The following RGS12 variants were observed in gnomAD, a reference collection of about 807,000 sequenced individuals.
RGS12 encodes regulator of G-protein signaling 12.
A neutral mutation model predicts 120.1 loss-of-function variants in RGS12; 66 were observed. That is an observed-to-expected ratio of 0.55 (90% confidence interval 0.45 to 0.67). RGS12 has a LOEUF of 0.67. RGS12 is among the 30% of genes least tolerant of loss of function. The pLI, the probability that RGS12 is intolerant of heterozygous loss-of-function variation, is 0.00. For synonymous variants in RGS12, 827 were observed against 804.7 expected, an observed-to-expected ratio of 1.03 and a Z score of -0.47; for missense variants, 1,859 against 1,957.7, an observed-to-expected ratio of 0.95 and a Z score of 0.95.
In RGS12 at chr4:3,374,506, C is replaced by G. The variant is rs1453657936; in HGVS notation, c.1999-11910C>G. 6.6e-6 allele frequency among the ~76,000 whole-genome samples: 1 copy of G among 152,154 alleles called. No homozygotes were observed. The highest frequency in any genetic ancestry group is 2.4e-5 in the African/African-American group (1 of 41,428). ...ACAGGTCCACATCTTCTCACCGTCT[C>G]TCCTCGGACATCCAGGAGGCCCCTC... On this transcript the variant is annotated intron_variant, in intron 3 of 17. Coordinates refer to ENST00000336727, the MANE Select transcript of RGS12 (RefSeq NM_001394154.1). This position sits in a 1 kb window ranked among gnomAD's most constrained non-coding sequence, Gnocchi z 6.3.
In RGS12 at chr4:3,317,681, C is replaced by T. The variant is rs766535266; in HGVS notation, c.1511C>T (p.Pro504Leu). The T allele has an allele frequency of 6.2e-7, 1 of 1,609,742 alleles. No homozygotes were observed. Among genetic ancestry groups the T allele is most frequent in the South Asian group, 1.1e-5 (1 of 90,912 alleles). Residue 504 changes from proline to leucine, a missense_variant, in exon 2 of 18, where the codon CCA becomes CTA. Physicochemically the swap from Pro to Leu is moderately conservative, Grantham distance 98. Transcript: ENST00000336727. ...TGGGACCTAAACAAGCACCTAGGGC[C>T]AGCCTCTCCTGTGGAGGTGCCCCCA... ...RFWDLNKHLG[P>L]ASPVEVPPAS...
At position 3,414,961 on chromosome 4, in the gene RGS12, G is replaced by A; in HGVS notation, c.2283+117G>A. The A allele has an allele frequency of 4.1e-6, 3 of 723,942 alleles. No homozygotes were observed. In the East Asian group the frequency reaches 7.8e-5, roughly 19 times the overall value. 44.8% of individuals were successfully genotyped at this position (723,942 alleles called of 1,614,324 possible). The stretch of plus-strand genomic sequence containing the variant: ...GGGCATGTGAGGGGTGTGTGTGAGG[G>A]GCGTGAGAGGGGCGTGTGAGAGGTT... On this transcript the variant is annotated intron_variant, in intron 6 of 17. Transcript: ENST00000336727.
chr4:3,317,096 G>A lies in RGS12; in HGVS notation c.926G>A (p.Arg309Gln), dbSNP rs779402258. The change falls in exon 2 of 18, where the codon CGG (arginine) becomes CAG (glutamine). Residue 309 changes from arginine to glutamine, a missense_variant. Arg to Gln is a conservative substitution (Grantham distance 43). This residue lies in a region of RGS12 where 967 missense variants were observed against 994.2 expected (regional missense o/e 0.97). Coordinates refer to ENST00000336727, the MANE Select transcript of RGS12 (RefSeq NM_001394154.1). ...LAFSAVCPDD[R>Q]RFFGLVTMQT... ...TTCAGCGCCGTGTGCCCGGACGACCGGCGATTTTTCGGGTTGGTTACCATG... is the reference window on the plus strand; with the variant it reads ...TTCAGCGCCGTGTGCCCGGACGACCAGCGATTTTTCGGGTTGGTTACCATG... 7 of 1,613,654 alleles carry A rather than the reference G, an allele frequency of 4.3e-6. No individual in the cohort carries two copies. Among genetic ancestry groups the A allele is most frequent in the South Asian group, 1.1e-5 (1 of 91,086 alleles).
upstream of RGS12, among the ~76,000 whole-genome samples, chr4:3,292,271 G>GGCA (rs374711846): frequency 8.6e-5 from 13 of 150,392 alleles, no homozygotes; most frequent in African/African-American, 3.0e-4. Context: ...CAGAGGCGCA[G>GGCA]GCCGGGGCCG....
chr4:3,420,783 C>A (rs1169804284), intron 10 of RGS12, 65 bp downstream of exon 10: 2 of 1,302,854 alleles, frequency 1.5e-6, no homozygotes, highest in Admixed American at 1.9e-5. Context: ...ACTGATGACA[C>A]CTCTCTCCCA....
intron 3 of RGS12, chr4:3,378,454 A>G (rs1053087777): frequency 3.9e-5 from 6 of 152,266 alleles, no homozygotes; most frequent in Non-Finnish European, 8.8e-5. Flanking sequence ...CAACAAAGGA[A>G]ACAACCAACA....
At chr4:3,312,142 C>T (rs1007337955) in intron 1 of RGS12, among the ~76,000 whole-genome samples, 14 of 152,070 alleles carry the variant, frequency 9.2e-5, no homozygotes, top group Admixed American at 5.2e-4. Context: ...TACTGGTAGC[C>T]CCGATGGTGT....
intron 4 of RGS12, among the ~76,000 whole-genome samples, chr4:3,403,698 A>T (rs1296477063): frequency 6.6e-6 from 1 of 152,184 alleles, no homozygotes; most frequent in African/African-American, 2.4e-5. Context: ...GTGCTGCTTA[A>T]AGCAGAGGGG....
At chr4:3,421,793 G>A (rs1443217164) in intron 10 of RGS12, among the ~76,000 whole-genome samples, 1 of 152,226 alleles carries the variant, frequency 6.6e-6, no homozygotes, top group East Asian at 1.9e-4. Context: ...ACCTCTTCAT[G>A]GGAGGAGCCA....
At chr4:3,322,815 C>T (rs759870935) in intron 2 of RGS12, among the ~76,000 whole-genome samples, 8 of 152,150 alleles carry the variant, frequency 5.3e-5, no homozygotes, top group Admixed American at 2.0e-4. Flanking sequence ...AATAAAGACT[C>T]GCTGAGGTGC....
At chr4:3,337,104 C>T (rs1439780543) in intron 2 of RGS12, among the ~76,000 whole-genome samples, 2 of 152,096 alleles carry the variant, frequency 1.3e-5, no homozygotes, top group Admixed American at 6.5e-5. Flanking sequence ...GAAAGATGCC[C>T]AACATCATCA....
intron 4 of RGS12, among the ~76,000 whole-genome samples, chr4:3,394,989 C>G (rs1320456512): frequency 2.0e-5 from 3 of 151,040 alleles, no homozygotes; most frequent in African/African-American, 7.3e-5. Context: ...GCCAATATGG[C>G]AAAACCCCGT....
chr4:3,316,281 G>A lies in RGS12; in HGVS notation c.111G>A (p.Ser37=), dbSNP rs758119719. The A allele has an allele frequency of 1.3e-5, 21 of 1,613,962 alleles. No homozygotes were observed. The highest frequency in any genetic ancestry group is 1.7e-5 in the Admixed American group (1 of 60,024). Residue 37 remains serine (S), a synonymous_variant, in exon 2 of 18, where the codon TCG becomes TCA. Transcript: ENST00000336727. The part of the protein sequence containing the change: ...RGRAGYGFTL[S]GQAPCVLSCV... ...GGGCCGGCTACGGATTCACGCTTTC[G>A]GGACAGGCACCCTGTGTGCTCAGCT...
chr4:3,371,555 A>C (rs181933480), intron 3 of RGS12, among the ~76,000 whole-genome samples: 8 of 152,312 alleles, frequency 5.3e-5, no homozygotes, highest in African/African-American at 1.9e-4. Flanking sequence ...AAGCTCTTGC[A>C]AATGCTTACA....
chr4:3,355,794 C>CAAAAAA (rs372490658), intron 3 of RGS12, among the ~76,000 whole-genome samples: 1 of 58,054 alleles, frequency 1.7e-5, no homozygotes, highest in Admixed American at 2.1e-4. Flanking sequence ...GACCTTGTCT[C>CAAAAAA]AAAAAAAAAA....
At chr4:3,285,995 G>A in the RGS12 span, among the ~76,000 whole-genome samples, 4 of 152,352 alleles carry the variant, frequency 2.6e-5, no homozygotes, top group East Asian at 5.8e-4. Flanking sequence ...CCGGTGTGCC[G>A]GGCTGCGCTC....
At chr4:3,373,913 C>G (rs545259004) in intron 3 of RGS12, among the ~76,000 whole-genome samples, 49 of 152,326 alleles carry the variant, frequency 3.2e-4, no homozygotes, top group African/African-American at 1.1e-3. Context: ...CTATTTTCAC[C>G]TCTTCCCCCT....
intron 3 of RGS12, among the ~76,000 whole-genome samples, chr4:3,362,541 TTG>T (rs1393610528): frequency 9.0e-6 from 1 of 111,550 alleles, no homozygotes; most frequent in Non-Finnish European, 1.8e-5. Context: ...TTGTGAGGGT[TTG>T]TGTGAGGGTG....
intron 4 of RGS12, among the ~76,000 whole-genome samples, chr4:3,392,813 AC>A (rs1719642844): frequency 6.6e-6 from 1 of 151,916 alleles, no homozygotes; most frequent in Admixed American, 6.6e-5. Context: ...ACATGGTGAA[AC>A]CCCGTGTCTA....
Sources: allele counts gnomAD v4.1 joint callset (sites outside exome capture counted in the v4.1 genomes callset), GRCh38; gene constraint gnomAD v4.1.1; regional missense constraint gnomAD v4.1.1; non-coding constraint Gnocchi (gnomAD v3.1); transcripts MANE v1.5; gene names NCBI Gene and HGNC (gene_info 2026-07-23, HGNC 2026-07-21).